Variants in CD34 observed in about 807,000 individuals in gnomAD.
CD34 encodes the protein CD34 molecule, also known as hematopoietic progenitor cell antigen CD34.
CD34 carries 34 observed loss-of-function variants against 40.1 expected under a neutral mutation model. The observed-to-expected ratio is 0.85, with a 90% CI of 0.65 to 1.13. The LOEUF is 1.13. CD34 is among the 50% of genes most tolerant of loss of function. The pLI is 0.00. For missense variants in CD34, 426 were observed against 466.9 expected (o/e 0.91, Z 0.81); for synonymous variants, 209 against 190.0 (o/e 1.10, Z -0.82).
In CD34 at chr1:207,887,700, C is replaced by G; in HGVS notation, c.*38G>C. ...GTGGTCAGATGCAGAGAGGGGTGCT[C>G]TCTCGGACACTGCCCAGCCTTGCCC... On this transcript the variant is annotated 3_prime_UTR_variant, in exon 8 of 8. Transcript: ENST00000310833. 6.2e-7 allele frequency: 1 copy of G among 1,612,680 alleles called. No homozygotes were observed. Among genetic ancestry groups the G allele is most frequent in the Non-Finnish European group, 8.5e-7 (1 of 1,179,184 alleles).
chr1:207,887,956 G>T, intron 7 of CD34, 33 bp from the exon 8 acceptor site: 1 of 1,597,260 alleles, frequency 6.3e-7, no homozygotes, highest in East Asian at 2.3e-5. Context: ...AGCATTATCT[G>T]GTAAGCAGGG....
At chr1:207,888,254 T>G in intron 7 of CD34, 1 of 870,700 alleles carries the variant, frequency 1.1e-6, no homozygotes, top group East Asian at 2.5e-5. Flanking sequence ...GAGGCCAAGA[T>G]TCAGACCTCA....
rs149284353 is a variant in CD34, at chr1:207,904,714, C to G, written c.80-4711G>C. ...ACTTATTTCTGTGACTCATCTGCCA[C>G]AAAATCATATATGCTGCTTCCTCAG... is the stretch of plus-strand genomic sequence containing the variant. On this transcript the variant is annotated intron_variant, in intron 1 of 7. Coordinates refer to ENST00000310833, the MANE Select transcript of CD34 (RefSeq NM_001025109.2). 2.6e-5 allele frequency among the ~76,000 whole-genome samples: 4 copies of G among 152,286 alleles called. No homozygotes were observed. In the East Asian group the frequency reaches 7.7e-4, roughly 29 times the overall value.
Position 207,899,893 on chromosome 1 carries a change from G to T in CD34, c.190C>A (p.Pro64Thr). Residue 64 changes from proline (P) to threonine (T), a missense_variant, in exon 2 of 8, where the codon CCT becomes ACT. Physicochemically the swap from Pro to Thr is conservative, Grantham distance 38 (BLOSUM62 -1). Coordinates refer to ENST00000310833, the MANE Select transcript of CD34 (RefSeq NM_001025109.2). ...AGGCTGGTACTTCCAAGGGTACTAG[G>T]TGTTGTAGTTTCTTGGTAGGATACA... is the stretch of plus-strand genomic sequence containing the variant. ...TNVSYQETTT[P>T]STLGSTSLHP... 3.7e-6 allele frequency: 6 copies of T among 1,614,028 alleles called. No individual in the cohort carries two copies. The South Asian group carries it at 5.5e-5, about 15-fold the overall frequency.
chr1:207,907,719 G>C (rs544066302), intron 1 of CD34, among the ~76,000 whole-genome samples: 2 of 152,208 alleles, frequency 1.3e-5, no homozygotes, highest in East Asian at 3.9e-4. Flanking sequence ...CAACATGCAC[G>C]CATCTTTCTC....
At chr1:207,889,253 C>T (rs1661978220) in intron 5 of CD34, 40 bp from the exon 6 acceptor site, 5 of 1,613,742 alleles carry the variant, frequency 3.1e-6, no homozygotes, top group Non-Finnish European at 4.2e-6. Flanking sequence ...TAAAGAGAAA[C>T]CAGCTTATCC....
intron 5 of CD34, 42 bp downstream of exon 5, chr1:207,889,423 C>A (rs751836283): frequency 1.3e-6 from 2 of 1,583,514 alleles, no homozygotes; most frequent in South Asian, 1.2e-5. Context: ...CTAACCTCAG[C>A]CCTACTCCTT....
intron 3 of CD34, 21 bp from the exon 4 acceptor site, chr1:207,897,594 T>A (rs564859649): frequency 6.5e-7 from 1 of 1,528,316 alleles, no homozygotes; most frequent in East Asian, 2.4e-5. Context: ...ACAAAAACAA[T>A]AACAAAAACA....
intron 7 of CD34, among the ~76,000 whole-genome samples, chr1:207,888,461 C>T (rs1166932612): frequency 2.0e-5 from 3 of 152,260 alleles, no homozygotes; most frequent in African/African-American, 7.2e-5. Context: ...TCTGCTACCA[C>T]ACCGAGTAGG....
At chr1:207,905,848 A>G (rs1464485062) in intron 1 of CD34, among the ~76,000 whole-genome samples, 2 of 152,322 alleles carry the variant, frequency 1.3e-5, no homozygotes, top group East Asian at 3.9e-4. Context: ...TATACAGGAA[A>G]CACAAATTCA....
rs1434060598 is a variant in CD34 at position 207,887,510 on chromosome 1, T to A, written c.*228A>T. 1 of 579,402 alleles carries A rather than the reference T, an allele frequency of 1.7e-6. No homozygotes were observed. The highest frequency in any genetic ancestry group is 3.0e-6 in the Non-Finnish European group (1 of 336,910). 35.9% of individuals were successfully genotyped at this position (579,402 alleles called of 1,614,324 possible). A position where few individuals can be genotyped will look rare whatever the true frequency, so the allele number is the denominator to read the frequency against. ...ACCTTGGCTTTCCCCCGTCACACGT[T>A]TACCCAAAGAAGACCAGAGTCTGGC... On this transcript the variant is annotated 3_prime_UTR_variant, in exon 8 of 8. Coordinates refer to ENST00000310833, the MANE Select transcript of CD34 (RefSeq NM_001025109.2).
At chr1:207,909,786 A>G (rs1319603915) in intron 1 of CD34, among the ~76,000 whole-genome samples, 1 of 152,156 alleles carries the variant, frequency 6.6e-6, no homozygotes, top group Non-Finnish European at 1.5e-5. Context: ...TCCTTGCCCC[A>G]AAGCACACAT....
chr1:207,883,114 T>A lies in CD34; in HGVS notation c.*4624A>T, dbSNP rs2102291483. 1 of 152,332 alleles carries A rather than the reference T, an allele frequency of 6.6e-6. No homozygotes were observed. Among genetic ancestry groups the A allele is most frequent in the East Asian group, 1.9e-4 (1 of 5,184 alleles). 9.4% of individuals were successfully genotyped at this position (152,332 alleles called of 1,614,324 possible). ...ATTGGATAAAATTAAACTCTGTGGTTTAGCTTTAAACACCCTACACAAACT... is the reference window on the plus strand; with the variant it reads ...ATTGGATAAAATTAAACTCTGTGGTATAGCTTTAAACACCCTACACAAACT... On this transcript the variant is annotated 3_prime_UTR_variant, in exon 8 of 8. Coordinates refer to ENST00000310833, the MANE Select transcript of CD34 (RefSeq NM_001025109.2).
intron 3 of CD34, among the ~76,000 whole-genome samples, chr1:207,897,893 GTT>G (rs2102300989): frequency 6.6e-6 from 1 of 152,244 alleles, no homozygotes; most frequent in Admixed American, 6.5e-5. Context: ...TCCCATTTGG[GTT>G]GTTTTCTCTC....
chr1:207,908,399 A>C (rs1021947984), intron 1 of CD34, among the ~76,000 whole-genome samples: 2 of 152,278 alleles, frequency 1.3e-5, no homozygotes, highest in Admixed American at 1.3e-4. Flanking sequence ...AGAGGTCCCC[A>C]AGCCTGCTCC....
chr1:207,889,825 G>A, intron 4 of CD34: 11 of 1,576,810 alleles, frequency 7.0e-6, no homozygotes, highest in Non-Finnish European at 9.4e-6. Context: ...AATCTCCCAG[G>A]ACCAAAATCC....
chr1:207,898,288 G>A (rs1571773951), intron 3 of CD34, among the ~76,000 whole-genome samples: 1 of 152,050 alleles, frequency 6.6e-6, no homozygotes, highest in Non-Finnish European at 1.5e-5. Flanking sequence ...CAAGTGATCT[G>A]CCCACTTCAG....
At chr1:207,888,408 C>G (rs997329036) in intron 7 of CD34, among the ~76,000 whole-genome samples, 4 of 152,236 alleles carry the variant, frequency 2.6e-5, no homozygotes, top group Admixed American at 6.5e-5. Flanking sequence ...TGGCCCCAAG[C>G]TGAACTATCC....
At chr1:207,896,834 C>T (rs992662010) in intron 4 of CD34, among the ~76,000 whole-genome samples, 13 of 151,806 alleles carry the variant, frequency 8.6e-5, no homozygotes, top group African/African-American at 2.7e-4. Flanking sequence ...GTAGTAAAAA[C>T]ATACAATAAT....
Sources: allele counts gnomAD v4.1 joint callset (sites outside exome capture counted in the v4.1 genomes callset), GRCh38; gene constraint gnomAD v4.1.1; transcripts MANE v1.5; gene names NCBI Gene and HGNC (gene_info 2026-07-23, HGNC 2026-07-21).